KIAA0930: variants seen among roughly 807,000 people sequenced by gnomAD.
KIAA0930 encodes KIAA0930.
A neutral mutation model predicts 43.9 loss-of-function variants in KIAA0930; 24 were observed. The observed-to-expected ratio is 0.55, with a 90% CI of 0.40 to 0.77. The LOEUF (loss-of-function observed/expected upper bound fraction) is 0.77, where lower values mean the gene tolerates loss of function less well. Among genes scored for constraint, KIAA0930 ranks in the 30% least tolerant of loss-of-function variants. The pLI is 0.00. For missense variants in KIAA0930, 461 were observed against 574.2 expected (o/e 0.80, Z 2.02); for synonymous variants, 259 against 216.4 (o/e 1.20, Z -1.73).
intron 1 of KIAA0930, among the ~76,000 whole-genome samples, chr22:45,222,649 GC>G (rs543667129): frequency 1.6e-5 from 2 of 123,566 alleles, no homozygotes; most frequent in African/African-American, 6.0e-5. Flanking sequence ...AACCACCCCC[GC>G]CCCCCCACCA....
chr22:45,234,028 C>A (rs1390135317), intron 1 of KIAA0930, among the ~76,000 whole-genome samples: 1 of 152,222 alleles, frequency 6.6e-6, no homozygotes, highest in Non-Finnish European at 1.5e-5. Flanking sequence ...AGAGCCTGGA[C>A]TGGGGCTTGC....
chr22:45,228,015 G>A (rs2083813517), intron 1 of KIAA0930, among the ~76,000 whole-genome samples: 1 of 152,224 alleles, frequency 6.6e-6, no homozygotes, highest in South Asian at 2.1e-4. Context: ...GGTCAGCACC[G>A]GCCAATGCAG....
At chr22:45,198,614 G>A (rs1004451827) in intron 8 of KIAA0930, among the ~76,000 whole-genome samples, 2 of 152,226 alleles carry the variant, frequency 1.3e-5, no homozygotes, top group African/African-American at 4.8e-5. Context: ...TGCTGGGGGA[G>A]GTGCTCAGTG....
intron 1 of KIAA0930, among the ~76,000 whole-genome samples, chr22:45,223,348 T>A (rs1047722170): frequency 3.3e-5 from 5 of 152,236 alleles, no homozygotes; most frequent in Non-Finnish European, 7.3e-5. Flanking sequence ...CTCCAATGCT[T>A]GCTGGAGCCT....
chr22:45,235,555 T>C (rs4823453), intron 1 of KIAA0930: 112,067 of 152,002 alleles, frequency 0.74, 41,398 homozygotes, highest in East Asian at 0.88. Flanking sequence ...CCCCAAGGAG[T>C]GCAGGGAGAG....
chr22:45,226,660 CT>C (rs2083803077), intron 1 of KIAA0930: 7 of 219,648 alleles, frequency 3.2e-5, no homozygotes, highest in Middle Eastern at 2.0e-3. Flanking sequence ...TCACAGGGGC[CT>C]TATCCAAGAT....
intron 2 of KIAA0930, among the ~76,000 whole-genome samples, chr22:45,208,443 C>A (rs1413640459): frequency 6.7e-6 from 1 of 150,238 alleles, no homozygotes; most frequent in Non-Finnish European, 1.5e-5. Context: ...GAACCCAACT[C>A]CACACGCAGG....
At chr22:45,200,222 G>T in intron 7 of KIAA0930, 187 bp from the exon 8 acceptor site, 1 of 505,350 alleles carries the variant, frequency 2.0e-6, no homozygotes, top group Non-Finnish European at 3.3e-6. Context: ...ATGCGTTCCA[G>T]CCCAGGGGCC....
At position 45,214,518 on chromosome 22, in the gene KIAA0930, C is replaced by A. The variant is rs564384012; in HGVS notation, c.65-2411G>T. Among the ~76,000 whole-genome samples, 3 of 152,306 alleles carry A rather than the reference C, an allele frequency of 2.0e-5. No homozygotes were observed. In the South Asian group the frequency reaches 6.2e-4, roughly 32 times the overall value. ...CATTCACACGATGTTTCGGAAAAGG[C>A]GGAATCGTAGTGACTTAAAGCAGGA... On this transcript the variant is annotated intron_variant, in intron 1 of 9. Coordinates refer to ENST00000336156, the MANE Select transcript of KIAA0930 (RefSeq NM_001009880.2).
At chr22:45,215,133 A>C (rs1162820171) in intron 1 of KIAA0930, among the ~76,000 whole-genome samples, 2 of 151,928 alleles carry the variant, frequency 1.3e-5, no homozygotes, top group African/African-American at 4.8e-5. Flanking sequence ...CACTAGAATC[A>C]CTTGAACCCG....
chr22:45,198,881 C>T (rs1254408311), intron 8 of KIAA0930, among the ~76,000 whole-genome samples: 3 of 152,196 alleles, frequency 2.0e-5, no homozygotes, highest in Non-Finnish European at 4.4e-5. Flanking sequence ...GAACTCCTGA[C>T]CTCAGGTGAT....
At chr22:45,204,032 C>T (rs1444860437) in intron 5 of KIAA0930, 47 bp from the exon 6 acceptor site, 23 of 1,610,530 alleles carry the variant, frequency 1.4e-5, no homozygotes, top group South Asian at 2.2e-5. Context: ...CAGCTCCCAC[C>T]GCCCACACCA....
chr22:45,205,740 G>GGGTC, intron 3 of KIAA0930, 33 bp from the exon 4 acceptor site: 1 of 1,613,706 alleles, frequency 6.2e-7, no homozygotes, highest in Middle Eastern at 1.7e-4. Context: ...GTGCAGGGAG[G>GGGTC]GGTCAGCCAT....
chr22:45,206,323 C>A (rs1465728112), intron 2 of KIAA0930, among the ~76,000 whole-genome samples: 2 of 152,204 alleles, frequency 1.3e-5, no homozygotes, highest in Middle Eastern at 3.4e-3. Flanking sequence ...GGCCAGAACT[C>A]CAATTCTTGC....
At chr22:45,198,801 C>A (rs1455953574) in intron 8 of KIAA0930, among the ~76,000 whole-genome samples, 1 of 152,188 alleles carries the variant, frequency 6.6e-6, no homozygotes, top group Non-Finnish European at 1.5e-5. Context: ...AGGCGCCCAC[C>A]ACCATGCCCG....
chr22:45,215,778 G>A (rs965180827), intron 1 of KIAA0930, among the ~76,000 whole-genome samples: 5 of 152,208 alleles, frequency 3.3e-5, no homozygotes, highest in African/African-American at 7.2e-5. Flanking sequence ...AGGAGTGGAA[G>A]AATTGAACAC....
At chr22:45,201,154 C>G in intron 7 of KIAA0930, 1 of 427,518 alleles carries the variant, frequency 2.3e-6, no homozygotes, top group South Asian at 1.8e-5. Flanking sequence ...TCCCACAAGC[C>G]GGGGAAGGTT....
intron 1 of KIAA0930, among the ~76,000 whole-genome samples, chr22:45,238,550 C>G (rs752699749): frequency 2.3e-4 from 35 of 152,164 alleles, no homozygotes; most frequent in Non-Finnish European, 4.8e-4. Context: ...CCCGGAGAGG[C>G]AACACTGGAG....
chr22:45,219,653 G>A (rs1033299408), intron 1 of KIAA0930, among the ~76,000 whole-genome samples: 3 of 122,122 alleles, frequency 2.5e-5, no homozygotes, highest in Non-Finnish European at 3.2e-5. Flanking sequence ...ATAACATCAT[G>A]TGATCTCGGC....
Sources: allele counts gnomAD v4.1 joint callset (sites outside exome capture counted in the v4.1 genomes callset), GRCh38; gene constraint gnomAD v4.1.1; transcripts MANE v1.5; gene names NCBI Gene and HGNC (gene_info 2026-07-23, HGNC 2026-07-21).